PTPRD: variants seen among roughly 807,000 people sequenced by gnomAD.
PTPRD encodes protein tyrosine phosphatase receptor type D.
A neutral mutation model predicts 214.5 loss-of-function variants in PTPRD; 34 were observed. That is an observed-to-expected ratio of 0.16 (90% confidence interval 0.12 to 0.21). The LOEUF (loss-of-function observed/expected upper bound fraction) is 0.21, where lower values mean the gene tolerates loss of function less well. Among genes scored for constraint, PTPRD ranks in the 10% least tolerant of loss-of-function variants. The pLI, the probability that PTPRD is intolerant of heterozygous loss-of-function variation, is 1.00. For missense variants in PTPRD, 2,545 were observed against 2,398.7 expected (o/e 1.06, Z -1.27); for synonymous variants, 1,128 against 845.7 (o/e 1.33, Z -5.79).
At chr9:9,643,399 G>C (rs1395848780) in intron 7 of PTPRD, among the ~76,000 whole-genome samples, 1 of 151,952 alleles carries the variant, frequency 6.6e-6, no homozygotes, top group Non-Finnish European at 1.5e-5. Context: ...AACTCAAATT[G>C]GATTTGTAAC....
chr9:8,466,465 T>C (rs776001152), intron 31 of PTPRD, among the ~76,000 whole-genome samples: 7 of 151,918 alleles, frequency 4.6e-5, no homozygotes, highest in Admixed American at 4.6e-4. Context: ...AGAAAAGAGA[T>C]AGAGTTTATT....
intron 14 of PTPRD, among the ~76,000 whole-genome samples, chr9:8,631,031 A>G (rs2096236142): frequency 1.3e-5 from 2 of 151,946 alleles, no homozygotes; most frequent in Non-Finnish European, 2.9e-5. Flanking sequence ...CTAGGTAAAT[A>G]AATGGAGATT....
At chr9:9,882,567 G>T (rs1180994440) in intron 5 of PTPRD, among the ~76,000 whole-genome samples, 2 of 152,060 alleles carry the variant, frequency 1.3e-5, no homozygotes, top group African/African-American at 4.8e-5. Context: ...CTTTCTGAAG[G>T]AAAGAATGAG....
chr9:9,613,073 A>T (rs1189788602), intron 7 of PTPRD, among the ~76,000 whole-genome samples: 1 of 129,650 alleles, frequency 7.7e-6, no homozygotes, highest in African/African-American at 2.7e-5. Context: ...AAGTCTCATG[A>T]TGCTGATGCT....
intron 2 of PTPRD, among the ~76,000 whole-genome samples, chr9:10,390,690 C>T (rs1183304029): frequency 6.6e-6 from 1 of 151,534 alleles, no homozygotes; most frequent in Non-Finnish European, 1.5e-5. Flanking sequence ...GAAATAAGTG[C>T]AAGAAAGGGG....
intron 2 of PTPRD, among the ~76,000 whole-genome samples, chr9:10,610,943 T>C (rs2133803615): frequency 6.6e-6 from 1 of 152,246 alleles, no homozygotes; most frequent in South Asian, 2.1e-4. Context: ...CCCCCATGAA[T>C]ACAGATGCTT....
At chr9:9,940,020 C>G (rs2090961583) in intron 4 of PTPRD, among the ~76,000 whole-genome samples, 1 of 152,144 alleles carries the variant, frequency 6.6e-6, no homozygotes, top group African/African-American at 2.4e-5. Context: ...ACAGATGGCA[C>G]TTTCAAATTA....
chr9:8,960,358 C>T (rs986029518), intron 11 of PTPRD, among the ~76,000 whole-genome samples: 2 of 151,990 alleles, frequency 1.3e-5, no homozygotes, highest in Non-Finnish European at 2.9e-5. Context: ...AATAACTGGG[C>T]TGCCATACTT....
At chr9:9,148,979 A>G (rs1315378963) in intron 10 of PTPRD, among the ~76,000 whole-genome samples, 2 of 152,228 alleles carry the variant, frequency 1.3e-5, no homozygotes, top group Non-Finnish European at 2.9e-5. Context: ...CAGTAAGCAA[A>G]TCTGACAATG....
At chr9:9,977,093 C>G (rs1247854259) in intron 4 of PTPRD, among the ~76,000 whole-genome samples, 2 of 152,088 alleles carry the variant, frequency 1.3e-5, no homozygotes, top group Non-Finnish European at 2.9e-5. Context: ...CAGATGTCAA[C>G]CTAAAAATTT....
chr9:9,121,550 T>C (rs185612758), intron 10 of PTPRD, among the ~76,000 whole-genome samples: 7 of 152,260 alleles, frequency 4.6e-5, no homozygotes, highest in Non-Finnish European at 7.3e-5. Context: ...AGACTATTAT[T>C]CTAAGTGAAG....
intron 35 of PTPRD, among the ~76,000 whole-genome samples, chr9:8,435,497 C>T (rs138526934): frequency 2.6e-4 from 40 of 152,140 alleles, no homozygotes; most frequent in African/African-American, 8.7e-4. Flanking sequence ...GCCCAGGTAC[C>T]CAATAACCTT....
At chr9:9,859,974 A>G (rs1164689827) in intron 5 of PTPRD, among the ~76,000 whole-genome samples, 2 of 152,224 alleles carry the variant, frequency 1.3e-5, no homozygotes, top group African/African-American at 4.8e-5. Context: ...TTATCACAAG[A>G]TCTCTAACAA....
intron 9 of PTPRD, among the ~76,000 whole-genome samples, chr9:9,283,637 A>T (rs898660047): frequency 6.6e-6 from 1 of 151,508 alleles, no homozygotes; most frequent in African/African-American, 2.4e-5. Context: ...ATTTGGTTCA[A>T]TTAAGTGAAC....
intron 10 of PTPRD, among the ~76,000 whole-genome samples, chr9:9,050,202 T>C (rs895877224): frequency 6.6e-6 from 1 of 152,218 alleles, no homozygotes; most frequent in Admixed American, 6.5e-5. Context: ...GAATACTTTT[T>C]CCCTTTAACA....
At chr9:8,510,919 G>C (rs1001425284) in intron 21 of PTPRD, among the ~76,000 whole-genome samples, 46 of 152,132 alleles carry the variant, frequency 3.0e-4, no homozygotes, top group African/African-American at 1.1e-3. Flanking sequence ...CTTGAGACAT[G>C]GGACTACTTT....
intron 11 of PTPRD, among the ~76,000 whole-genome samples, chr9:8,896,011 G>C (rs915283374): frequency 2.0e-5 from 3 of 152,142 alleles, no homozygotes; most frequent in Admixed American, 2.0e-4. Flanking sequence ...TAAAACTCCA[G>C]TTGCTCTTTT....
At chr9:8,362,913 ATGGAATTCAGAG>A (rs2078867636) in intron 39 of PTPRD, among the ~76,000 whole-genome samples, 1 of 152,202 alleles carries the variant, frequency 6.6e-6, no homozygotes, top group Non-Finnish European at 1.5e-5. Flanking sequence ...AGTGAAAGTC[ATGGAATTCAGAG>A]TTGTTTTTAT....
intron 39 of PTPRD, among the ~76,000 whole-genome samples, chr9:8,361,336 G>A (rs1284981984): frequency 6.6e-6 from 1 of 152,180 alleles, no homozygotes; most frequent in Non-Finnish European, 1.5e-5. Flanking sequence ...AAGGTGCTGA[G>A]TGAAAATTTT....
Sources: gnomAD v4.1 joint callset for allele counts (sites outside exome capture counted in the v4.1 genomes callset) on GRCh38, gnomAD v4.1.1 for gene constraint, MANE v1.5 for transcripts, NCBI Gene and HGNC (gene_info 2026-07-23, HGNC 2026-07-21) for gene names.